The following OSBPL6 variants were observed in gnomAD, a reference collection of about 807,000 sequenced individuals.
The protein encoded by OSBPL6 is oxysterol binding protein like 6.
In OSBPL6, 49 loss-of-function variants were observed where a neutral mutation model predicts 125.8. The observed-to-expected ratio is 0.39, with a 90% CI of 0.31 to 0.49. OSBPL6 has a LOEUF of 0.49. Among genes scored for constraint, OSBPL6 ranks in the 20% least tolerant of loss-of-function variants. OSBPL6 has a pLI of 0.88. For synonymous variants in OSBPL6, 394 were observed against 391.8 expected, an observed-to-expected ratio of 1.01 and a Z score of -0.07; for missense variants, 986 against 1,135.4, an observed-to-expected ratio of 0.87 and a Z score of 1.89.
chr2:178,372,152 G>A lies in OSBPL6; in HGVS notation c.1314G>A (p.Arg438=), dbSNP rs1693448026. 6.2e-7 allele frequency: 1 copy of A among 1,612,970 alleles called. No individual in the cohort carries two copies. The highest frequency in any genetic ancestry group is 1.3e-5 in the African/African-American group (1 of 74,990). ...CACTCAACCAGAATGCTGAACTAAG[G>A]AGTCGGTTGAACAGAATACATTCAG... is the stretch of plus-strand genomic sequence containing the variant. ...SQALNQNAEL[R]SRLNRIHSES... Residue 438 remains arginine, a synonymous_variant, in exon 14 of 25, where the codon AGG becomes AGA. Coordinates refer to ENST00000190611, the MANE Select transcript of OSBPL6 (RefSeq NM_032523.4).
chr2:178,360,578 AT>A (rs1390053954), intron 12 of OSBPL6, among the ~76,000 whole-genome samples: 1 of 152,222 alleles, frequency 6.6e-6, no homozygotes, highest in African/African-American at 2.4e-5. Flanking sequence ...AATAAAAAAA[AT>A]TTTTAAGCCT....
intron 3 of OSBPL6, among the ~76,000 whole-genome samples, chr2:178,306,596 G>A (rs1462463412): frequency 1.3e-5 from 2 of 152,100 alleles, no homozygotes; most frequent in East Asian, 1.9e-4. Flanking sequence ...TCTTCTCTTC[G>A]TTCATGGAGG....
At chr2:178,211,044 G>A (rs1472006394) in intron 1 of OSBPL6, among the ~76,000 whole-genome samples, 1 of 152,128 alleles carries the variant, frequency 6.6e-6, no homozygotes, top group Non-Finnish European at 1.5e-5. Flanking sequence ...CACTTTGGGA[G>A]ACCAAGGCAG....
intron 13 of OSBPL6, among the ~76,000 whole-genome samples, chr2:178,364,996 C>T (rs1365971827): frequency 1.3e-5 from 2 of 151,944 alleles, no homozygotes; most frequent in East Asian, 3.9e-4. Flanking sequence ...GGCCAACAGG[C>T]GAAACCCCAT....
intron 1 of OSBPL6, among the ~76,000 whole-genome samples, chr2:178,253,142 C>T (rs914994520): frequency 6.6e-6 from 1 of 151,536 alleles, no homozygotes; most frequent in Non-Finnish European, 1.5e-5. Flanking sequence ...CTGCCTCGGC[C>T]TCCTGAGTAG....
intron 12 of OSBPL6, among the ~76,000 whole-genome samples, chr2:178,356,368 C>G (rs918096517): frequency 3.3e-5 from 5 of 152,174 alleles, no homozygotes; most frequent in Non-Finnish European, 5.9e-5. Flanking sequence ...TCTCCTTAAG[C>G]TGATAAGCAA....
At chr2:178,385,073 T>A (rs527719440) in intron 18 of OSBPL6, among the ~76,000 whole-genome samples, 140 of 152,078 alleles carry the variant, frequency 9.2e-4, no homozygotes, top group African/African-American at 3.2e-3. Context: ...CATCACACAC[T>A]GGGGCCTGTT....
intron 1 of OSBPL6, among the ~76,000 whole-genome samples, chr2:178,202,989 T>G (rs2089335970): frequency 6.6e-6 from 1 of 152,184 alleles, no homozygotes; most frequent in African/African-American, 2.4e-5. Flanking sequence ...TGGACAAGTT[T>G]CTGCTATTAT....
intron 2 of OSBPL6, among the ~76,000 whole-genome samples, chr2:178,304,247 A>G (rs1459396269): frequency 6.6e-6 from 1 of 152,184 alleles, no homozygotes; most frequent in Non-Finnish European, 1.5e-5. Context: ...CATGCTGCTA[A>G]TAAAGACATA....
At chr2:178,230,193 A>G (rs2090757501) in intron 1 of OSBPL6, among the ~76,000 whole-genome samples, 1 of 152,216 alleles carries the variant, frequency 6.6e-6, no homozygotes, top group Admixed American at 6.5e-5. Context: ...GATCCCATTG[A>G]GTAGAGCTAA....
At chr2:178,386,128 C>T (rs1267094077) in intron 19 of OSBPL6, among the ~76,000 whole-genome samples, 4 of 152,172 alleles carry the variant, frequency 2.6e-5, no homozygotes, top group Non-Finnish European at 5.9e-5. Context: ...TGGAAGGGTG[C>T]TTCATTACTC....
intron 1 of OSBPL6, among the ~76,000 whole-genome samples, chr2:178,261,491 G>A (rs1379110755): frequency 6.6e-6 from 1 of 151,346 alleles, no homozygotes; most frequent in East Asian, 1.9e-4. Flanking sequence ...CTATAATATA[G>A]AAGGAGCTAA....
At chr2:178,218,418 AAAGAG>A (rs1482876485) in intron 1 of OSBPL6, among the ~76,000 whole-genome samples, 4,359 of 151,620 alleles carry the variant, frequency 0.029, 195 homozygotes, top group African/African-American at 0.1. Flanking sequence ...TAAAAAAAAA[AAAGAG>A]AGAGAGAGAA....
chr2:178,290,846 C>G (rs1353044463), intron 2 of OSBPL6, among the ~76,000 whole-genome samples: 1 of 150,666 alleles, frequency 6.6e-6, no homozygotes. Flanking sequence ...ATACATGTGT[C>G]CAAAAAGAAA....
At chr2:178,316,800 A>G (rs905087768) in intron 3 of OSBPL6, among the ~76,000 whole-genome samples, 1 of 152,212 alleles carries the variant, frequency 6.6e-6, no homozygotes, top group South Asian at 2.1e-4. Context: ...CTATGGCATT[A>G]TGTATAAGGG....
intron 1 of OSBPL6, among the ~76,000 whole-genome samples, chr2:178,242,833 A>C (rs562595365): frequency 6.6e-5 from 10 of 152,318 alleles, no homozygotes; most frequent in Non-Finnish European, 1.3e-4. Context: ...TGTCCAAAAA[A>C]TTAAAAAGCT....
chr2:178,282,902 C>T (rs1684344482), intron 1 of OSBPL6, among the ~76,000 whole-genome samples: 1 of 152,200 alleles, frequency 6.6e-6, no homozygotes, highest in South Asian at 2.1e-4. Context: ...ATTCACCCAC[C>T]TTGGCTTCCC....
At chr2:178,234,560 G>T (rs2090971894) in intron 1 of OSBPL6, among the ~76,000 whole-genome samples, 1 of 152,178 alleles carries the variant, frequency 6.6e-6, no homozygotes, top group South Asian at 2.1e-4. Flanking sequence ...CTATAGTACA[G>T]TATCAAAACC....
chr2:178,298,409 A>G (rs1339147368), intron 2 of OSBPL6, among the ~76,000 whole-genome samples: 1 of 152,156 alleles, frequency 6.6e-6, no homozygotes, highest in East Asian at 1.9e-4. Flanking sequence ...GTTGGATCAT[A>G]TGGCAATCTA....
Sources: gnomAD v4.1 joint callset for allele counts (sites outside exome capture counted in the v4.1 genomes callset) on GRCh38, gnomAD v4.1.1 for gene constraint, MANE v1.5 for transcripts, NCBI Gene and HGNC (gene_info 2026-07-23, HGNC 2026-07-21) for gene names.